Variants in IQCH observed in about 807,000 individuals in gnomAD.
The protein encoded by IQCH is IQ domain-containing protein H.
IQCH carries 98 observed loss-of-function variants against 117.0 expected under a neutral mutation model. The observed-to-expected ratio is 0.84, with a 90% CI of 0.71 to 0.99. The LOEUF (loss-of-function observed/expected upper bound fraction) is 0.99. Ranked by LOEUF, IQCH falls within the 50% of genes least tolerant of loss-of-function variation. The pLI is 0.00. For missense variants in IQCH, 1,102 were observed against 1,243.8 expected, an observed-to-expected ratio of 0.89 and a Z score of 1.72; for synonymous variants, 412 against 448.2, an observed-to-expected ratio of 0.92 and a Z score of 1.02.
intron 1 of IQCH, among the ~76,000 whole-genome samples, chr15:67,255,833 C>A (rs1965154344): frequency 1.3e-5 from 2 of 152,180 alleles, no homozygotes; most frequent in Non-Finnish European, 2.9e-5. Flanking sequence ...ATACAAGCCC[C>A]TGAACTCACC....
At position 67,463,887 on chromosome 15, in the gene IQCH, G is replaced by A. The variant is rs544975042; in HGVS notation, c.2506-1240G>A. 2.8e-4 allele frequency among the ~76,000 whole-genome samples: 43 copies of A among 152,196 alleles called. No homozygotes were observed. The highest frequency in any genetic ancestry group is 9.9e-4 in the African/African-American group (41 of 41,536). ...AGACAGAGTCTCACTCTGCCACCCA[G>A]GCTGGACTGTAGTGGTCTGATCTCG... On this transcript the variant is annotated intron_variant, in intron 16 of 20. Coordinates refer to ENST00000335894, the MANE Select transcript of IQCH (RefSeq NM_001031715.3). This position sits in a 1 kb window ranked among gnomAD's most constrained non-coding sequence, Gnocchi z 4.0.
At position 67,458,564 on chromosome 15, in the gene IQCH, A is replaced by G. The variant is rs534096066; in HGVS notation, c.2506-6563A>G. On this transcript the variant is annotated intron_variant, in intron 16 of 20. Coordinates refer to ENST00000335894, the MANE Select transcript of IQCH (RefSeq NM_001031715.3). The surrounding 1 kb of genome is among the most constrained non-coding windows in gnomAD (Gnocchi z 4.1). ...TTAGCTCACATCACTCCTCCACTCAACACTCTCCAGTGCATTCCCAGCCTC... is the reference window on the plus strand; with the variant it reads ...TTAGCTCACATCACTCCTCCACTCAGCACTCTCCAGTGCATTCCCAGCCTC... Among the ~76,000 whole-genome samples, 2 of 152,214 alleles carry G rather than the reference A, an allele frequency of 1.3e-5. No individual in the cohort carries two copies. The highest frequency in any genetic ancestry group is 1.9e-4 in the East Asian group (1 of 5,188).
intron 3 of IQCH, among the ~76,000 whole-genome samples, chr15:67,266,215 TA>T (rs1369804405): frequency 6.6e-6 from 1 of 151,582 alleles, no homozygotes; most frequent in Non-Finnish European, 1.5e-5. Context: ...AAGATAAAGA[TA>T]AAATAAGTAT....
chr15:67,277,235 C>T, intron 3 of IQCH, among the ~76,000 whole-genome samples: 1 of 152,114 alleles, frequency 6.6e-6, no homozygotes, highest in Non-Finnish European at 1.5e-5. Context: ...TTCATTAGTG[C>T]CCTTAGCCTA....
chr15:67,259,269 C>T (rs115131044), intron 1 of IQCH, among the ~76,000 whole-genome samples: 34 of 152,274 alleles, frequency 2.2e-4, no homozygotes, highest in African/African-American at 7.9e-4. Flanking sequence ...ATAACTTTCC[C>T]AAGTTCAGTT....
At chr15:67,303,967 G>C (rs1967177512) in intron 4 of IQCH, among the ~76,000 whole-genome samples, 1 of 152,122 alleles carries the variant, frequency 6.6e-6, no homozygotes, top group African/African-American at 2.4e-5. Flanking sequence ...CCCTCTACCT[G>C]TGTATTTGTA....
intron 16 of IQCH, among the ~76,000 whole-genome samples, chr15:67,429,174 T>C (rs1339865603): frequency 2.0e-5 from 3 of 152,212 alleles, no homozygotes; most frequent in East Asian, 1.9e-4. Context: ...GATACTAATA[T>C]AGAGGGTGGT....
At chr15:67,311,162 C>G (rs1294859716) in intron 4 of IQCH, among the ~76,000 whole-genome samples, 2 of 152,056 alleles carry the variant, frequency 1.3e-5, no homozygotes, top group Non-Finnish European at 2.9e-5. Context: ...ATTATGAAAT[C>G]TATTTGTCAA....
At chr15:67,316,019 A>G (rs1045585954) in intron 4 of IQCH, among the ~76,000 whole-genome samples, 1 of 152,178 alleles carries the variant, frequency 6.6e-6, no homozygotes, top group Non-Finnish European at 1.5e-5. Flanking sequence ...ACTTTTAGAG[A>G]AAAATAATTC....
chr15:67,273,890 G>A (rs913846398), intron 3 of IQCH, among the ~76,000 whole-genome samples: 1 of 152,170 alleles, frequency 6.6e-6, no homozygotes, highest in Non-Finnish European at 1.5e-5. Context: ...TTGTCCGTCT[G>A]GGAAAGACTT....
intron 4 of IQCH, among the ~76,000 whole-genome samples, chr15:67,298,180 A>T (rs1164062422): frequency 2.0e-5 from 3 of 151,670 alleles, no homozygotes; most frequent in Middle Eastern, 3.2e-3. Flanking sequence ...GTGGTGTCGT[A>T]GCCTGTAATC....
At position 67,407,768 on chromosome 15, in the gene IQCH, A is replaced by G. The variant is rs1971966318; in HGVS notation, c.2097+7463A>G. 1 of 152,240 alleles carries G rather than the reference A, an allele frequency of 6.6e-6. No homozygotes were observed. Among genetic ancestry groups the G allele is most frequent in the African/African-American group, 2.4e-5 (1 of 41,468 alleles). The allele number at this position is 152,240 out of a possible 1,614,324, so 9.4% of individuals were successfully genotyped here. A position where few individuals can be genotyped will look rare whatever the true frequency, so the allele number is the denominator to read the frequency against. ...TACTAGGTAATCATTGTCTACTGCAAGCGTGCTGTTTGTACCTTTTATTTT... is the reference window on the plus strand; with the variant it reads ...TACTAGGTAATCATTGTCTACTGCAGGCGTGCTGTTTGTACCTTTTATTTT... On this transcript the variant is annotated intron_variant, in intron 14 of 20. Coordinates refer to ENST00000335894, the MANE Select transcript of IQCH (RefSeq NM_001031715.3). The surrounding 1 kb of genome is among the most constrained non-coding windows in gnomAD (Gnocchi z 5.3).
At chr15:67,304,515 A>T in intron 4 of IQCH, 1 of 835,842 alleles carries the variant, frequency 1.2e-6, no homozygotes, top group Non-Finnish European at 1.9e-6. Context: ...GTCATTTATT[A>T]GTAGTGTAAG....
intron 4 of IQCH, among the ~76,000 whole-genome samples, chr15:67,291,707 G>C (rs1966757186): frequency 6.6e-6 from 1 of 152,114 alleles, no homozygotes; most frequent in Non-Finnish European, 1.5e-5. Flanking sequence ...TTCACTGTAA[G>C]TTATACCTCT....
Position 67,501,101 on chromosome 15 carries a change from T to G in IQCH, c.*355T>G, listed in dbSNP as rs2083968809. 1 of 155,932 alleles carries G rather than the reference T, an allele frequency of 6.4e-6. No homozygotes were observed. Among genetic ancestry groups the G allele is most frequent in the African/African-American group, 2.4e-5 (1 of 41,640 alleles). The allele number at this position is 155,932 out of a possible 1,614,324, so 9.7% of individuals were successfully genotyped here. A position where few individuals can be genotyped will look rare whatever the true frequency, so the allele number is the denominator to read the frequency against. On this transcript the variant is annotated 3_prime_UTR_variant, in exon 21 of 21. Coordinates refer to ENST00000335894, the MANE Select transcript of IQCH (RefSeq NM_001031715.3). This position sits in a 1 kb window ranked among gnomAD's most constrained non-coding sequence, Gnocchi z 5.2. ...AGGATTATGTAGCTTTTATTTTTTA[T>G]GTTTTATAAAGTTTTCTCCTATTTC...
In IQCH at chr15:67,445,882, G is replaced by C. The variant is rs2082380191; in HGVS notation, c.2506-19245G>C. Among the ~76,000 whole-genome samples the C allele has an allele frequency of 6.6e-6, 1 of 152,204 alleles. No individual in the cohort carries two copies. ...ATTCACCTCCCATACAGAGGACACA[G>C]GTAGGAAATATAAAGAAGAACATGG... On this transcript the variant is annotated intron_variant, in intron 16 of 20. Coordinates refer to ENST00000335894, the MANE Select transcript of IQCH (RefSeq NM_001031715.3). This position sits in a 1 kb window ranked among gnomAD's most constrained non-coding sequence, Gnocchi z 4.3.
chr15:67,338,897 C>T (rs911067812), intron 5 of IQCH, among the ~76,000 whole-genome samples: 15 of 152,252 alleles, frequency 9.9e-5, no homozygotes, highest in South Asian at 8.3e-4. Context: ...CCTAGGCCTT[C>T]GCTCTCATCT....
At chr15:67,372,763 A>C in intron 9 of IQCH, 101 bp downstream of exon 9, 1 of 997,802 alleles carries the variant, frequency 1.0e-6, no homozygotes, top group Non-Finnish European at 1.5e-6. Flanking sequence ...TCTCTTTCCA[A>C]CTACTCTCCT....
In IQCH at chr15:67,466,353, G is replaced by A. The variant is rs1009402165; in HGVS notation, c.2676+1056G>A. 1 of 152,212 alleles carries A rather than the reference G, an allele frequency of 6.6e-6. No homozygotes were observed. Among genetic ancestry groups the A allele is most frequent in the African/African-American group, 2.4e-5 (1 of 41,444 alleles). 9.4% of individuals were successfully genotyped at this position (152,212 alleles called of 1,614,324 possible). On this transcript the variant is annotated intron_variant, in intron 17 of 20. Transcript: ENST00000335894. The surrounding 1 kb of genome is among the most constrained non-coding windows in gnomAD (Gnocchi z 4.4). ...CCACGGTGCTCTCACAGCTGCCAGA[G>A]GGTTTCTTTGGCCTTTCCTTACAAC...
Sources: gnomAD v4.1 joint callset for allele counts (sites outside exome capture counted in the v4.1 genomes callset) on GRCh38, gnomAD v4.1.1 for gene constraint, Gnocchi (gnomAD v3.1) non-coding constraint, MANE v1.5 for transcripts, NCBI Gene and HGNC (gene_info 2026-07-23, HGNC 2026-07-21) for gene names.